IGF2R: variants seen among roughly 807,000 people sequenced by gnomAD.
IGF2R encodes the protein insulin like growth factor 2 receptor.
In IGF2R, 91 loss-of-function variants were observed where a neutral mutation model predicts 270.6. That is an observed-to-expected ratio of 0.34 (90% CI 0.28 to 0.40). The LOEUF (loss-of-function observed/expected upper bound fraction) is 0.40, where lower values mean the gene tolerates loss of function less well. Ranked by LOEUF, IGF2R falls within the 10% of genes least tolerant of loss-of-function variation. The pLI, the probability that IGF2R is intolerant of heterozygous loss-of-function variation, is 1.00. For synonymous variants in IGF2R, 1,316 were observed against 1,258.9 expected, an observed-to-expected ratio of 1.05 and a Z score of -0.96; for missense variants, 2,805 against 3,188.3, an observed-to-expected ratio of 0.88 and a Z score of 2.90.
chr6:159,998,371 A>G lies in IGF2R; in HGVS notation c.289+7048A>G, dbSNP rs932781090. Among the ~76,000 whole-genome samples the G allele has an allele frequency of 2.0e-5, 3 of 152,172 alleles. No homozygotes were observed. Among genetic ancestry groups the G allele is most frequent in the Non-Finnish European group, 4.4e-5 (3 of 68,032 alleles). On this transcript the variant is annotated intron_variant, in intron 2 of 47. Coordinates refer to ENST00000356956, the MANE Select transcript of IGF2R (RefSeq NM_000876.4). This position sits in a 1 kb window ranked among gnomAD's most constrained non-coding sequence, Gnocchi z 4.1. ...TTTGTGAGCTTGGCCTCACTGGACA[A>G]AGTTTGAGTTTGACCAAGTTCTGTG...
At chr6:160,068,063 G>GTGTGTGTGTGT (rs1778624220) in intron 29 of IGF2R, among the ~76,000 whole-genome samples, 186 bp from the exon 30 acceptor site, 2 of 95,200 alleles carry the variant, frequency 2.1e-5, no homozygotes, top group African/African-American at 8.3e-5. Context: ...ATTCTGATGG[G>GTGTGTGTGTGT]GGGTGTGTGT....
intron 22 of IGF2R, 149 bp downstream of exon 22, chr6:160,059,247 T>C (rs1308246766): frequency 1.6e-6 from 1 of 631,766 alleles, no homozygotes; most frequent in African/African-American, 1.8e-5. Context: ...CACGGTGGTC[T>C]TCCTGCGTTT....
At chr6:159,993,985 ATTTTTTTTTTTT>A (rs59369382) in intron 2 of IGF2R, among the ~76,000 whole-genome samples, 2 of 61,030 alleles carry the variant, frequency 3.3e-5, no homozygotes, top group South Asian at 1.1e-3. Flanking sequence ...CTCCAACTTG[ATTTTTTTTTTTT>A]TTTTTTTTTT....
At chr6:160,072,201 G>C (rs1449869341) in intron 32 of IGF2R, among the ~76,000 whole-genome samples, 165 bp downstream of exon 32, 1 of 152,220 alleles carries the variant, frequency 6.6e-6, no homozygotes, top group Non-Finnish European at 1.5e-5. Context: ...TGGATGGGCT[G>C]CTGTGTGTTC....
Position 160,069,531 on chromosome 6 carries a change from G to A in IGF2R, c.4253-337G>A, listed in dbSNP as rs79997913. Among the ~76,000 whole-genome samples the A allele has an allele frequency of 7.9e-5, 12 of 152,310 alleles. No homozygotes were observed. In the East Asian group the frequency reaches 2.3e-3, roughly 29 times the overall value. Reference sequence around the variant, plus strand: ...TCTTGAATAAAGAAGGTGCATGGACGTAGGCCATTTAAAATGTTCCTCTGT... The same window carrying A: ...TCTTGAATAAAGAAGGTGCATGGACATAGGCCATTTAAAATGTTCCTCTGT... On this transcript the variant is annotated intron_variant, in intron 30 of 47. Transcript: ENST00000356956.
chr6:160,011,655 A>C (rs1784337656), intron 4 of IGF2R, among the ~76,000 whole-genome samples: 1 of 146,980 alleles, frequency 6.8e-6, no homozygotes. Flanking sequence ...TGTTTAATGG[A>C]TCTCTTGGGC....
intron 31 of IGF2R, among the ~76,000 whole-genome samples, chr6:160,071,070 G>T (rs1164686937): frequency 6.8e-6 from 1 of 146,634 alleles, no homozygotes; most frequent in African/African-American, 2.5e-5. Flanking sequence ...GGGTGAAGGG[G>T]TGTGTGGGGT....
chr6:160,092,245 G>T lies in IGF2R; in HGVS notation c.6655+2142G>T, dbSNP rs571563198. 6.4e-4 allele frequency among the ~76,000 whole-genome samples: 88 copies of T among 137,382 alleles called. 1 individual carries two copies. The highest frequency in any genetic ancestry group is 2.2e-3 in the African/African-American group (77 of 35,496). The allele number at this position is 137,382 out of a possible 152,430, so 90.1% of individuals were successfully genotyped here. On this transcript the variant is annotated intron_variant, in intron 44 of 47. Transcript: ENST00000356956. Reference sequence around the variant, plus strand: ...CACCTTCTCATAGCAGGGTGACACCGCTGGTGTGTCTGCAGGATTCCAAAC... The same window carrying T: ...CACCTTCTCATAGCAGGGTGACACCTCTGGTGTGTCTGCAGGATTCCAAAC...
At chr6:159,971,482 C>T (rs1783607822) in intron 1 of IGF2R, among the ~76,000 whole-genome samples, 1 of 152,214 alleles carries the variant, frequency 6.6e-6, no homozygotes, top group Non-Finnish European at 1.5e-5. Flanking sequence ...TTTAATTTTT[C>T]TGCCAGATTT....
chr6:160,030,514 A>G (rs1304165969), intron 7 of IGF2R, among the ~76,000 whole-genome samples: 1 of 152,222 alleles, frequency 6.6e-6, no homozygotes, highest in Non-Finnish European at 1.5e-5. Context: ...AAGTGCTGTC[A>G]GCTGAATGAA....
In IGF2R at chr6:160,007,914, T is replaced by A. The variant is rs142016614; in HGVS notation, c.290-1096T>A. ...AAGAAATCTTTCTCTATCTTAAGAT[T>A]TCTGCCAAGTTTTGAAGTTTGGATT... On this transcript the variant is annotated intron_variant, in intron 2 of 47. Coordinates refer to ENST00000356956, the MANE Select transcript of IGF2R (RefSeq NM_000876.4). 7.2e-5 allele frequency among the ~76,000 whole-genome samples: 11 copies of A among 152,340 alleles called. No individual in the cohort carries two copies. The East Asian group carries it at 2.1e-3, about 29-fold the overall frequency.
At chr6:160,024,454 C>A in intron 4 of IGF2R, 118 bp from the exon 5 acceptor site, 1 of 959,122 alleles carries the variant, frequency 1.0e-6, no homozygotes, top group Non-Finnish European at 1.6e-6. Flanking sequence ...TATTAGGGGA[C>A]ACCATAGCAT....
At chr6:160,048,638 G>A in intron 18 of IGF2R, 95 bp downstream of exon 18, 1 of 1,292,506 alleles carries the variant, frequency 7.7e-7, no homozygotes, top group Non-Finnish European at 1.1e-6. Context: ...ATCAAAGGCA[G>A]CACAGCTGCT....
rs1482253545 is a variant in IGF2R at position 160,072,811 on chromosome 6, A to G, written c.4617A>G (p.Thr1539=). The change falls in exon 33 of 48, where the codon ACA becomes ACG. Residue 1539 remains threonine (T), a synonymous_variant. Coordinates refer to ENST00000356956, the MANE Select transcript of IGF2R (RefSeq NM_000876.4). ...CCTTAAGTGGCAGGGCGGGATTCACAGCTGCTTACAGCGAGAAGGGGTTGG... is the reference window on the plus strand; with the variant it reads ...CCTTAAGTGGCAGGGCGGGATTCACGGCTGCTTACAGCGAGAAGGGGTTGG... ...LSSLSGRAGF[T]AAYSEKGLVY... 1 of 1,614,232 alleles carries G rather than the reference A, an allele frequency of 6.2e-7. No individual in the cohort carries two copies. The highest frequency in any genetic ancestry group is 8.5e-7 in the Non-Finnish European group (1 of 1,180,034).
chr6:160,073,489 C>T lies in IGF2R; in HGVS notation c.4947+20C>T, dbSNP rs2282140. ...CAAGCGGTGAGTTTTCAGATGGGCA[C>T]GGGAGAAGTGCATGTCCAGTGCCTG... On this transcript the variant is annotated intron_variant, in intron 34 of 47. Transcript: ENST00000356956. The T allele has an allele frequency of 0.14, 223,449 of 1,612,580 alleles. 16,447 individuals carry two copies. The highest frequency in any genetic ancestry group is 0.27 in the Middle Eastern group (1,639 of 6,056).
intron 38 of IGF2R, 81 bp downstream of exon 38, chr6:160,079,868 G>A (rs760848706): frequency 4.2e-5 from 54 of 1,279,662 alleles, no homozygotes; most frequent in Non-Finnish European, 5.2e-5. Context: ...AGAAGCTGCG[G>A]AGTGGAGCTC....
rs1778448695 is a variant in IGF2R, at chr6:160,061,931, G to A, written c.3582+3G>A. ...CGTTTGAGTGTGCTCAGATATCGGTGTGTGTTCAGACCAGCAATGAGATGT... is the reference window on the plus strand; with the variant it reads ...CGTTTGAGTGTGCTCAGATATCGGTATGTGTTCAGACCAGCAATGAGATGT... On this transcript the variant is annotated splice_donor_region_variant and intron_variant, in intron 25 of 47. Coordinates refer to ENST00000356956, the MANE Select transcript of IGF2R (RefSeq NM_000876.4). 3 of 1,613,914 alleles carry A rather than the reference G, an allele frequency of 1.9e-6. No homozygotes were observed. The highest frequency in any genetic ancestry group is 2.5e-6 in the Non-Finnish European group (3 of 1,179,842).
chr6:160,088,463 A>T (rs1779143819), intron 42 of IGF2R, among the ~76,000 whole-genome samples: 1 of 152,206 alleles, frequency 6.6e-6, no homozygotes, highest in African/African-American at 2.4e-5. Flanking sequence ...GATTTGTCCC[A>T]CCCGAGGTGT....
chr6:160,062,027 G>A (rs566260916), intron 25 of IGF2R, 99 bp downstream of exon 25: 4 of 1,170,588 alleles, frequency 3.4e-6, no homozygotes, highest in Non-Finnish European at 4.9e-6. Flanking sequence ...AAACTTGCCT[G>A]TGTTTTCGTG....
Sources: gnomAD v4.1 joint callset for allele counts (sites outside exome capture counted in the v4.1 genomes callset) on GRCh38, gnomAD v4.1.1 for gene constraint, Gnocchi (gnomAD v3.1) non-coding constraint, MANE v1.5 for transcripts, NCBI Gene and HGNC (gene_info 2026-07-23, HGNC 2026-07-21) for gene names.